CHRM3: variants seen among roughly 807,000 people sequenced by gnomAD.
CHRM3 encodes the protein cholinergic receptor muscarinic 3.
A neutral mutation model predicts 41.8 loss-of-function variants in CHRM3; 11 were observed. That is an observed-to-expected ratio of 0.26 (90% CI 0.17 to 0.44). The LOEUF (loss-of-function observed/expected upper bound fraction) is 0.44, where lower values mean the gene tolerates loss of function less well. Ranked by LOEUF, CHRM3 falls within the 20% of genes least tolerant of loss-of-function variation. The pLI, the probability that CHRM3 is intolerant of heterozygous loss-of-function variation, is 1.00. For synonymous variants in CHRM3, 297 were observed against 301.4 expected, an observed-to-expected ratio of 0.99 and a Z score of 0.15; for missense variants, 571 against 745.4, an observed-to-expected ratio of 0.77 and a Z score of 2.72.
chr1:239,855,140 T>C (rs1675002705), intron 6 of CHRM3, among the ~76,000 whole-genome samples: 3 of 152,194 alleles, frequency 2.0e-5, no homozygotes, highest in Admixed American at 2.0e-4. Context: ...TGCTAGCCGT[T>C]ACTTAATAAT....
intron 3 of CHRM3, among the ~76,000 whole-genome samples, chr1:239,607,212 A>G (rs1290603112): frequency 2.0e-5 from 3 of 152,130 alleles, no homozygotes; most frequent in East Asian, 1.9e-4. Context: ...CATTCACTTA[A>G]TGACTCAGTA....
intron 5 of CHRM3, among the ~76,000 whole-genome samples, chr1:239,776,501 A>G (rs368345617): frequency 1.3e-5 from 2 of 152,094 alleles, no homozygotes; most frequent in African/African-American, 2.4e-5. Context: ...GCCACACCCC[A>G]TATTTTCCTT....
chr1:239,837,137 G>A (rs1028722486), intron 6 of CHRM3, among the ~76,000 whole-genome samples: 1 of 152,172 alleles, frequency 6.6e-6, no homozygotes, highest in Admixed American at 6.5e-5. Context: ...ATCAGTCACA[G>A]GCTAGCTAAA....
rs531995904 is a variant in CHRM3, at chr1:239,913,062, G to A, written c.*3838G>A. ...GCAGCTACCATGACGAAAGTAAAAT[G>A]GTATATTGGGTGAATGTTTGAAAAT... On this transcript the variant is annotated 3_prime_UTR_variant, in exon 7 of 7. Coordinates refer to ENST00000676153, the MANE Select transcript of CHRM3 (RefSeq NM_001375978.1). 6.0e-6 allele frequency: 1 copy of A among 167,066 alleles called. No individual in the cohort carries two copies. Among genetic ancestry groups the A allele is most frequent in the South Asian group, 2.1e-4 (1 of 4,810 alleles). 10.3% of individuals were successfully genotyped at this position (167,066 alleles called of 1,614,324 possible).
At chr1:239,510,701 T>C (rs1393629637) in intron 2 of CHRM3, among the ~76,000 whole-genome samples, 1 of 151,926 alleles carries the variant, frequency 6.6e-6, no homozygotes, top group Non-Finnish European at 1.5e-5. Flanking sequence ...CATGCCCAGC[T>C]AATTTTGTAT....
intron 5 of CHRM3, among the ~76,000 whole-genome samples, chr1:239,799,718 A>G (rs1249585303): frequency 6.6e-6 from 1 of 152,170 alleles, no homozygotes; most frequent in Non-Finnish European, 1.5e-5. Context: ...TAGGCAAAAA[A>G]TGTCACTCTG....
At chr1:239,792,053 C>T (rs1325568324) in intron 5 of CHRM3, among the ~76,000 whole-genome samples, 1 of 152,214 alleles carries the variant, frequency 6.6e-6, no homozygotes, top group Non-Finnish European at 1.5e-5. Context: ...TTGGTTTCCT[C>T]ATTACCCTGC....
At chr1:239,681,626 G>T (rs1658574471) in intron 5 of CHRM3, among the ~76,000 whole-genome samples, 2 of 152,202 alleles carry the variant, frequency 1.3e-5, no homozygotes, top group African/African-American at 4.8e-5. Context: ...GGGTACAGTG[G>T]CTCATGCCTG....
intron 3 of CHRM3, among the ~76,000 whole-genome samples, chr1:239,551,618 A>G (rs1472470139): frequency 6.6e-6 from 1 of 152,068 alleles, no homozygotes; most frequent in Non-Finnish European, 1.5e-5. Flanking sequence ...TTCTTCTTGA[A>G]TTGTGTGATT....
chr1:239,841,853 G>A (rs919659011), intron 6 of CHRM3, among the ~76,000 whole-genome samples: 3 of 152,222 alleles, frequency 2.0e-5, no homozygotes, highest in African/African-American at 7.2e-5. Context: ...ACTAAACAGG[G>A]TAGAATGAGG....
chr1:239,473,088 A>G (rs927031910), intron 1 of CHRM3, among the ~76,000 whole-genome samples: 2 of 152,106 alleles, frequency 1.3e-5, no homozygotes, highest in Non-Finnish European at 2.9e-5. Context: ...CACAATGAAT[A>G]AAATTAGTCC....
At chr1:239,587,281 T>C (rs1663523910) in intron 3 of CHRM3, among the ~76,000 whole-genome samples, 1 of 152,156 alleles carries the variant, frequency 6.6e-6, no homozygotes, top group South Asian at 2.1e-4. Context: ...TCACTTCCCA[T>C]TGAAGGGACC....
chr1:239,457,531 G>A (rs1020024506), intron 1 of CHRM3, among the ~76,000 whole-genome samples: 9 of 152,102 alleles, frequency 5.9e-5, no homozygotes, highest in African/African-American at 2.2e-4. Flanking sequence ...ATCAAGTTTG[G>A]TACTTTCTTG....
chr1:239,676,574 T>A (rs1658023910), intron 4 of CHRM3, among the ~76,000 whole-genome samples: 1 of 152,156 alleles, frequency 6.6e-6, no homozygotes, highest in Non-Finnish European at 1.5e-5. Flanking sequence ...CATTCATCAT[T>A]GTGCCACACT....
Position 239,645,025 on chromosome 1 carries a change from T to A in CHRM3, c.-250+12739T>A, listed in dbSNP as rs1315822792. 3.3e-5 allele frequency among the ~76,000 whole-genome samples: 5 copies of A among 152,168 alleles called. 1 individual carries two copies. The highest frequency in any genetic ancestry group is 1.2e-4 in the African/African-American group (5 of 41,440). On this transcript the variant is annotated intron_variant, in intron 4 of 6. Transcript: ENST00000676153. The stretch of plus-strand genomic sequence containing the variant: ...TCAACCTGTACTGCTACTTCCTCCA[T>A]CAGCTCACAGCCCCTTGTCTGTGAT...
At chr1:239,637,400 C>T (rs1670574899) in intron 4 of CHRM3, among the ~76,000 whole-genome samples, 1 of 151,606 alleles carries the variant, frequency 6.6e-6, no homozygotes, top group Non-Finnish European at 1.5e-5. Flanking sequence ...ACTTTCTACA[C>T]ATATCACTGA....
intron 5 of CHRM3, among the ~76,000 whole-genome samples, chr1:239,738,681 C>G (rs185897820): frequency 6.6e-6 from 1 of 152,252 alleles, no homozygotes; most frequent in Non-Finnish European, 1.5e-5. Context: ...TATACAGACC[C>G]ATGACTTTCT....
intron 1 of CHRM3, among the ~76,000 whole-genome samples, chr1:239,491,658 G>A (rs1667561918): frequency 6.6e-6 from 1 of 152,194 alleles, no homozygotes; most frequent in Non-Finnish European, 1.5e-5. Flanking sequence ...GAGGGCAGAT[G>A]TCTCTCGGAC....
intron 5 of CHRM3, among the ~76,000 whole-genome samples, chr1:239,745,010 A>G (rs76855778): frequency 0.024 from 3,609 of 152,126 alleles, 59 homozygotes; most frequent in Non-Finnish European, 0.035. Context: ...TGATAAGGGG[A>G]CAGGGAGGAG....
Sources: allele counts gnomAD v4.1 joint callset (sites outside exome capture counted in the v4.1 genomes callset), GRCh38; gene constraint gnomAD v4.1.1; transcripts MANE v1.5; gene names NCBI Gene and HGNC (gene_info 2026-07-23, HGNC 2026-07-21).